Variants in PRUNE2 observed in about 807,000 individuals in gnomAD.
The protein encoded by PRUNE2 is prune homolog 2 with BCH domain, also known as protein prune homolog 2.
A neutral mutation model predicts 252.0 loss-of-function variants in PRUNE2; 164 were observed. That is an observed-to-expected ratio of 0.65 (90% CI 0.57 to 0.74). The LOEUF is 0.74. Among genes scored for constraint, PRUNE2 ranks in the 30% least tolerant of loss-of-function variants. PRUNE2 has a pLI of 0.00. For synonymous variants in PRUNE2, 1,292 were observed against 1,350.2 expected (o/e 0.96, Z 0.94); for missense variants, 3,495 against 3,711.0 (o/e 0.94, Z 1.51).
chr9:76,781,234 C>A (rs2054356575), intron 6 of PRUNE2, among the ~76,000 whole-genome samples: 1 of 152,156 alleles, frequency 6.6e-6, no homozygotes, highest in South Asian at 2.1e-4. Flanking sequence ...ACATCCCTAT[C>A]CTTTTTATAA....
rs1847826734 is a variant in PRUNE2 at position 76,652,553 on chromosome 9, A to T, written c.8487T>A (p.Asp2829Glu). The change falls in exon 11 of 19, where the codon GAT becomes GAA. Residue 2829 changes from aspartate (D) to glutamate (E), a missense_variant. Transcript: ENST00000376718. ...GTTCATCCACATTGATGTCAATTTCATCTGGACTGTCCAAGTTATCATCAG... is the reference window on the plus strand; with the variant it reads ...GTTCATCCACATTGATGTCAATTTCTTCTGGACTGTCCAAGTTATCATCAG... ...ILSDDNLDSPDEIDINVDELD... is the reference protein window; with the variant it reads ...ILSDDNLDSPEEIDINVDELD... 3 of 1,613,380 alleles carry T rather than the reference A, an allele frequency of 1.9e-6. No individual in the cohort carries two copies. Among genetic ancestry groups the T allele is most frequent in the African/African-American group, 2.7e-5 (2 of 74,910 alleles).
At chr9:76,773,062 A>C (rs1205080840) in intron 6 of PRUNE2, among the ~76,000 whole-genome samples, 1 of 152,194 alleles carries the variant, frequency 6.6e-6, no homozygotes. Context: ...CAACAATATA[A>C]TTTCTTACAT....
chr9:76,878,271 A>T (rs1589729377), intron 1 of PRUNE2, among the ~76,000 whole-genome samples: 1 of 152,260 alleles, frequency 6.6e-6, no homozygotes, highest in East Asian at 1.9e-4. Context: ...GGAAGAGTCC[A>T]CTCTTAAAGC....
intron 6 of PRUNE2, among the ~76,000 whole-genome samples, chr9:76,735,804 G>C (rs973728132): frequency 2.0e-4 from 31 of 152,226 alleles, no homozygotes; most frequent in African/African-American, 7.5e-4. Flanking sequence ...ATAAGAATTG[G>C]TGATACCCAT....
chr9:76,713,970 G>A (rs2046940115), intron 6 of PRUNE2, among the ~76,000 whole-genome samples: 1 of 152,114 alleles, frequency 6.6e-6, no homozygotes, highest in Admixed American at 6.5e-5. Flanking sequence ...TTTAGACAAA[G>A]AACAGATATC....
In PRUNE2 at chr9:76,771,499, A is replaced by C. The variant is rs558499119; in HGVS notation, c.756+52133T>G. ...ACACAAACTGCAGCAATGTGACATG[A>C]AGGCAGGTACAATGAGGAAGACTAC... is the stretch of plus-strand genomic sequence containing the variant. On this transcript the variant is annotated intron_variant, in intron 6 of 18. Transcript: ENST00000376718. Among the ~76,000 whole-genome samples, 10 of 152,310 alleles carry C rather than the reference A, an allele frequency of 6.6e-5. No homozygotes were observed. In the South Asian group the frequency reaches 1.9e-3, roughly 28 times the overall value.
At chr9:76,895,072 A>G (rs546923117) in intron 1 of PRUNE2, among the ~76,000 whole-genome samples, 1 of 152,102 alleles carries the variant, frequency 6.6e-6, no homozygotes, top group African/African-American at 2.4e-5. Context: ...CTTAAGAGGG[A>G]GAAAAAAAAA....
At chr9:76,680,777 A>C (rs2043334642) in intron 9 of PRUNE2, among the ~76,000 whole-genome samples, 1 of 152,216 alleles carries the variant, frequency 6.6e-6, no homozygotes, top group African/African-American at 2.4e-5. Flanking sequence ...AGGCCTCAGG[A>C]AACTTACAAT....
At chr9:76,678,667 A>C (rs1203880203) in intron 9 of PRUNE2, among the ~76,000 whole-genome samples, 1 of 152,004 alleles carries the variant, frequency 6.6e-6, no homozygotes, top group African/African-American at 2.4e-5. Context: ...GCCTCTACTA[A>C]AAATACAAAA....
intron 1 of PRUNE2, among the ~76,000 whole-genome samples, chr9:76,874,432 G>T (rs2061377461): frequency 6.6e-6 from 1 of 152,098 alleles, no homozygotes; most frequent in Non-Finnish European, 1.5e-5. Context: ...AAGACATGCA[G>T]ATAACCCAAA....
chr9:76,827,795 G>C (rs1005609629), intron 4 of PRUNE2, among the ~76,000 whole-genome samples: 1 of 152,110 alleles, frequency 6.6e-6, no homozygotes, highest in Non-Finnish European at 1.5e-5. Flanking sequence ...CAAGTCGTCT[G>C]GCCTCCGTTT....
At chr9:76,815,156 C>G (rs117276368) in intron 6 of PRUNE2, among the ~76,000 whole-genome samples, 2,638 of 152,260 alleles carry the variant, frequency 0.017, 44 homozygotes, top group Middle Eastern at 0.072. Flanking sequence ...TCTTCTCTAC[C>G]TGCTCTGTGT....
Position 76,706,375 on chromosome 9 carries a change from A to G in PRUNE2, c.5899T>C (p.Cys1967Arg), listed in dbSNP as rs568480761. 5 of 1,614,058 alleles carry G rather than the reference A, an allele frequency of 3.1e-6. No homozygotes were observed. In the African/African-American group the frequency reaches 6.7e-5, roughly 22 times the overall value. The stretch of plus-strand genomic sequence containing the variant: ...GTAAAGGCTGTGTCCGGATGATCAC[A>G]GACTGGCAGCATGGTGTCCTGACAC... ...EQCQDTMLPV[C>R]DHPDTAFTHA... Residue 1967 changes from cysteine to arginine, a missense_variant, in exon 8 of 19, where the codon TGT becomes CGT. Coordinates refer to ENST00000376718, the MANE Select transcript of PRUNE2 (RefSeq NM_015225.3).
Position 76,709,684 on chromosome 9 carries a change from T to C in PRUNE2, c.2590A>G (p.Ile864Val). 2 of 1,614,020 alleles carry C rather than the reference T, an allele frequency of 1.2e-6. No individual in the cohort carries two copies. The highest frequency in any genetic ancestry group is 1.3e-5 in the African/African-American group (1 of 75,040). The change falls in exon 8 of 19, where the codon ATC becomes GTC. Residue 864 changes from isoleucine (I) to valine (V), a missense_variant. Ile to Val is a conservative substitution (Grantham distance 29, BLOSUM62 3). Transcript: ENST00000376718. ...GAGTCATTGTTTTTCTTGCCCCAGATTTCTGGAGCTGCTTCATTGTTTATC... is the reference window on the plus strand; with the variant it reads ...GAGTCATTGTTTTTCTTGCCCCAGACTTCTGGAGCTGCTTCATTGTTTATC... ...SEINNEAAPE[I>V]WGKKNNDSRD...
chr9:76,638,953 T>C (rs934662271), intron 12 of PRUNE2, among the ~76,000 whole-genome samples: 10 of 152,154 alleles, frequency 6.6e-5, no homozygotes, highest in African/African-American at 2.2e-4. Flanking sequence ...TTTACTACCA[T>C]GTAATCACCA....
At chr9:76,635,213 C>G (rs1001894627) in intron 15 of PRUNE2, among the ~76,000 whole-genome samples, 4 of 152,186 alleles carry the variant, frequency 2.6e-5, no homozygotes, top group African/African-American at 9.7e-5. Context: ...CTCAAGTGAT[C>G]TGCCCGCCTT....
chr9:76,748,047 C>T (rs796670240), intron 6 of PRUNE2, among the ~76,000 whole-genome samples: 47 of 152,204 alleles, frequency 3.1e-4, no homozygotes, highest in African/African-American at 1.1e-3. Context: ...CCACCCATCT[C>T]GGCCTCCCAA....
intron 6 of PRUNE2, among the ~76,000 whole-genome samples, chr9:76,762,761 C>T (rs976231769): frequency 1.3e-5 from 2 of 152,190 alleles, no homozygotes; most frequent in African/African-American, 4.8e-5. Context: ...TCGCCATGAG[C>T]ATGGCTGTGG....
At chr9:76,791,626 A>G (rs143440390) in intron 6 of PRUNE2, among the ~76,000 whole-genome samples, 1 of 126,216 alleles carries the variant, frequency 7.9e-6, no homozygotes, top group African/African-American at 3.2e-5. Context: ...TACTGCACCA[A>G]TTATTATTGG....
Sources: gnomAD v4.1 joint callset for allele counts (sites outside exome capture counted in the v4.1 genomes callset) on GRCh38, gnomAD v4.1.1 for gene constraint, MANE v1.5 for transcripts, NCBI Gene and HGNC (gene_info 2026-07-23, HGNC 2026-07-21) for gene names.